CCDC77: variants seen among roughly 807,000 people sequenced by gnomAD.
The protein encoded by CCDC77 is coiled-coil domain containing 77, also known as coiled-coil domain-containing protein 77.
A neutral mutation model predicts 66.8 loss-of-function variants in CCDC77; 56 were observed. The observed-to-expected ratio is 0.84, with a 90% confidence interval of 0.68 to 1.05. CCDC77 has a LOEUF of 1.05. CCDC77 is among the 50% of genes least tolerant of loss of function. The pLI is 0.00. For synonymous variants in CCDC77, 196 were observed against 195.2 expected (o/e 1.00, Z -0.03); for missense variants, 570 against 576.8 (o/e 0.99, Z 0.12).
chr12:428,379 C>T (rs113853023), intron 5 of CCDC77, among the ~76,000 whole-genome samples: 5 of 151,536 alleles, frequency 3.3e-5, no homozygotes, highest in Non-Finnish European at 5.9e-5. Flanking sequence ...GGCATAGTGG[C>T]GGGCGCCTGT....
chr12:439,476 T>G, intron 10 of CCDC77, among the ~76,000 whole-genome samples: 1 of 143,384 alleles, frequency 7.0e-6, no homozygotes, highest in East Asian at 2.1e-4. Flanking sequence ...GCTGAGATCA[T>G]GCGATTGTAC....
intron 5 of CCDC77, among the ~76,000 whole-genome samples, chr12:427,038 A>T (rs576016456): frequency 2.2e-4 from 33 of 152,288 alleles, no homozygotes; most frequent in African/African-American, 6.5e-4. Flanking sequence ...CGAGGTCAGG[A>T]GTTCAAGACC....
chr12:442,088 C>A lies in CCDC77; in HGVS notation c.*168C>A. 3 of 691,826 alleles carry A rather than the reference C, an allele frequency of 4.3e-6. No individual in the cohort carries two copies. Among genetic ancestry groups the A allele is most frequent in the South Asian group, 1.9e-5 (1 of 51,688 alleles). 42.9% of individuals were successfully genotyped at this position (691,826 alleles called of 1,614,324 possible). ...GGGACCACTAGGAAAGCTTTTCTTGCATACTCAGCTTGCTTTATCATTTTT... is the reference window on the plus strand; with the variant it reads ...GGGACCACTAGGAAAGCTTTTCTTGAATACTCAGCTTGCTTTATCATTTTT... On this transcript the variant is annotated 3_prime_UTR_variant, in exon 13 of 13. Transcript: ENST00000239830.
upstream of CCDC77, among the ~76,000 whole-genome samples, chr12:397,144 C>T (rs867390646): frequency 2.0e-5 from 3 of 152,032 alleles, no homozygotes; most frequent in South Asian, 4.1e-4. Flanking sequence ...GAGGCTGAGG[C>T]GGGTGGATCA....
chr12:426,987 G>T (rs1945544537), intron 5 of CCDC77, among the ~76,000 whole-genome samples: 2 of 152,002 alleles, frequency 1.3e-5, no homozygotes, highest in Admixed American at 1.3e-4. Flanking sequence ...ACTTGGGGCT[G>T]GTAATCCCAG....
chr12:436,940 C>T (rs1490756337), intron 9 of CCDC77: 2 of 166,772 alleles, frequency 1.2e-5, no homozygotes, highest in Non-Finnish European at 2.5e-5. Flanking sequence ...GAGAGAGACC[C>T]TTGTGGTAAT....
intron 4 of CCDC77, 150 bp from the exon 5 acceptor site, chr12:418,344 A>G (rs1945325288): frequency 8.7e-6 from 6 of 693,368 alleles, no homozygotes; most frequent in South Asian, 3.7e-5. Flanking sequence ...ACTCCAGTCT[A>G]TACATGCCTA....
chr12:431,757 C>G (rs1591989794), intron 7 of CCDC77, 109 bp from the exon 8 acceptor site: 1 of 668,300 alleles, frequency 1.5e-6, no homozygotes, highest in South Asian at 1.9e-5. Context: ...CTTCATTACC[C>G]TTACAGGTAA....
chr12:394,160 T>C (rs1944797007), intron 1 of CCDC77, among the ~76,000 whole-genome samples: 1 of 152,236 alleles, frequency 6.6e-6, no homozygotes, highest in South Asian at 2.1e-4. Context: ...AGATCTGCCG[T>C]ATCTAAGTCT....
chr12:393,689 ACT>A (rs1442003808), intron 1 of CCDC77, among the ~76,000 whole-genome samples: 5 of 151,624 alleles, frequency 3.3e-5, no homozygotes, highest in African/African-American at 1.2e-4. Flanking sequence ...CCACCACCAC[ACT>A]CAGCTAATTT....
rs887732803 is a variant in CCDC77 at position 442,128 on chromosome 12, A to G, written c.*208A>G. On this transcript the variant is annotated 3_prime_UTR_variant, in exon 13 of 13. Coordinates refer to ENST00000239830, the MANE Select transcript of CCDC77 (RefSeq NM_032358.4). ...TTATCATTTTTGCTGTCCTTTTAACACTTGCGAGGAGTAGGGGCCTGGTCC... is the reference window on the plus strand; with the variant it reads ...TTATCATTTTTGCTGTCCTTTTAACGCTTGCGAGGAGTAGGGGCCTGGTCC... The G allele has an allele frequency of 1.8e-6, 1 of 568,830 alleles. No homozygotes were observed. Among genetic ancestry groups the G allele is most frequent in the Admixed American group, 3.1e-5 (1 of 32,616 alleles). 35.2% of individuals were successfully genotyped at this position (568,830 alleles called of 1,614,324 possible).
intron 1 of CCDC77, chr12:389,533 G>C (rs929416445): frequency 6.2e-6 from 2 of 323,192 alleles, no homozygotes; most frequent in Admixed American, 4.7e-5. Flanking sequence ...TAGAGGTACG[G>C]ATTGAGGGAA....
chr12:392,485 T>C (rs1944768705), intron 1 of CCDC77, among the ~76,000 whole-genome samples: 1 of 152,202 alleles, frequency 6.6e-6, no homozygotes, highest in Non-Finnish European at 1.5e-5. Context: ...GGCTCATACC[T>C]GTAATCCCAG....
rs781605518 is a variant in CCDC77 at position 409,382 on chromosome 12, G to A, written c.-2G>A. 3.1e-6 allele frequency: 5 copies of A among 1,612,682 alleles called. No homozygotes were observed. The highest frequency in any genetic ancestry group is 4.2e-6 in the Non-Finnish European group (5 of 1,179,416). ...GTATTTGATAGGTGTGAAAAAGACA[G>A]CATGAACTTTACCCCAACACACACC... is the stretch of plus-strand genomic sequence containing the variant. On this transcript the variant is annotated 5_prime_UTR_variant, in exon 3 of 13. Transcript: ENST00000239830.
intron 9 of CCDC77, 61 bp from the exon 10 acceptor site, chr12:438,274 C>A: frequency 1.8e-6 from 2 of 1,136,500 alleles, no homozygotes; most frequent in East Asian, 2.4e-5. Context: ...TTGGAATAAT[C>A]CTTGCTTTCA....
intron 4 of CCDC77, among the ~76,000 whole-genome samples, chr12:415,334 T>TGTTAATATAATTAACA: frequency 7.3e-6 from 1 of 136,104 alleles, no homozygotes; most frequent in African/African-American, 2.9e-5. Context: ...CAACATAATA[T>TGTTAATATAATTAACA]TATGTTAATA....
At position 433,156 on chromosome 12, in the gene CCDC77, C is replaced by G. The variant is rs756231230; in HGVS notation, c.673-18C>G. The G allele has an allele frequency of 2.5e-5, 40 of 1,598,950 alleles. No homozygotes were observed. Among genetic ancestry groups the G allele is most frequent in the Non-Finnish European group, 3.4e-5 (40 of 1,172,842 alleles). ...TGGAAGTAGGGCTGGATTCCTCACC[C>G]CTTTTTGGCCTGTCTAGGTGGAAGC... On this transcript the variant is annotated intron_variant, in intron 8 of 12. Transcript: ENST00000239830.
chr12:434,371 G>T (rs61916592), intron 9 of CCDC77, among the ~76,000 whole-genome samples: 2 of 136,628 alleles, frequency 1.5e-5, no homozygotes, highest in Admixed American at 1.4e-4. Context: ...TTTTTTTTTG[G>T]AGACTAAGTC....
At chr12:428,167 A>G (rs557570163) in intron 5 of CCDC77, among the ~76,000 whole-genome samples, 1 of 152,268 alleles carries the variant, frequency 6.6e-6, no homozygotes, top group Admixed American at 6.5e-5. Flanking sequence ...AGCCCCGAAG[A>G]GCAAGATCTG....
Sources: gnomAD v4.1 joint callset for allele counts (sites outside exome capture counted in the v4.1 genomes callset) on GRCh38, gnomAD v4.1.1 for gene constraint, MANE v1.5 for transcripts, NCBI Gene and HGNC (gene_info 2026-07-23, HGNC 2026-07-21) for gene names.